The following MRPL42 variants were observed in gnomAD, a reference collection of about 807,000 sequenced individuals.
MRPL42 encodes the protein large ribosomal subunit protein mL42.
In MRPL42, 17 loss-of-function variants were observed where a neutral mutation model predicts 17.9. The ratio of observed to expected loss-of-function variants is 0.95; its 90% CI spans 0.65 to 1.42. The LOEUF is 1.42. Ranked by LOEUF, MRPL42 falls within the 40% of genes most tolerant of loss-of-function variation. The pLI, the probability that MRPL42 is intolerant of heterozygous loss-of-function variation, is 0.00. For synonymous variants in MRPL42, 59 were observed against 54.4 expected, an observed-to-expected ratio of 1.08 and a Z score of -0.37; for missense variants, 177 against 175.2, an observed-to-expected ratio of 1.01 and a Z score of -0.06.
chr12:93,481,679 C>G (rs1880471082), intron 4 of MRPL42, among the ~76,000 whole-genome samples: 1 of 152,160 alleles, frequency 6.6e-6, no homozygotes, highest in Non-Finnish European at 1.5e-5. Flanking sequence ...CAGCTACCCA[C>G]TTCCATGGGA....
intron 5 of MRPL42, among the ~76,000 whole-genome samples, chr12:93,491,547 A>G (rs1202247477): frequency 6.6e-6 from 1 of 152,178 alleles, no homozygotes; most frequent in Non-Finnish European, 1.5e-5. Context: ...GCCTTTCACT[A>G]TGTATATATG....
At position 93,510,997 on chromosome 12, in the gene MRPL42, G is replaced by C. The variant is rs1289299544; in HGVS notation, c.*9776G>C. On this transcript the variant is annotated 3_prime_UTR_variant, in exon 6 of 6. Coordinates refer to ENST00000549982, the MANE Select transcript of MRPL42 (RefSeq NM_014050.4). ...TATGGATGGCAAAATAACTTCACTG[G>C]CTTTTTTTATCAAGAAAAGACTTAC... is the stretch of plus-strand genomic sequence containing the variant. 6 of 152,052 alleles carry C rather than the reference G, an allele frequency of 3.9e-5. No homozygotes were observed. The South Asian group carries it at 8.3e-4, about 21-fold the overall frequency. 9.4% of individuals were successfully genotyped at this position (152,052 alleles called of 1,614,324 possible). A position where few individuals can be genotyped will look rare whatever the true frequency, so the allele number is the denominator to read the frequency against.
chr12:93,481,083 T>C (rs1488249899), intron 4 of MRPL42, among the ~76,000 whole-genome samples: 1 of 152,204 alleles, frequency 6.6e-6, no homozygotes, highest in African/African-American at 2.4e-5. Flanking sequence ...GTTTTAGCAA[T>C]TATACTAAGA....
Position 93,503,942 on chromosome 12 carries a change from T to C in MRPL42, c.*2721T>C, listed in dbSNP as rs892679986. 3.9e-5 allele frequency: 6 copies of C among 152,074 alleles called. No homozygotes were observed. The highest frequency in any genetic ancestry group is 7.3e-5 in the Non-Finnish European group (5 of 68,032). 9.4% of individuals were successfully genotyped at this position (152,074 alleles called of 1,614,324 possible). A position where few individuals can be genotyped will look rare whatever the true frequency, so the allele number is the denominator to read the frequency against. ...TTCCATCTTGTGAATAATGCTGTTA[T>C]TAACATCCTGGTGGATTATTACCAT... On this transcript the variant is annotated 3_prime_UTR_variant, in exon 6 of 6. Transcript: ENST00000549982.
chr12:93,492,833 C>T (rs1292611193), intron 5 of MRPL42, among the ~76,000 whole-genome samples: 2 of 151,418 alleles, frequency 1.3e-5, no homozygotes, highest in East Asian at 3.9e-4. Flanking sequence ...GCACTACAAT[C>T]ACTAGCCAAA....
intron 1 of MRPL42, among the ~76,000 whole-genome samples, chr12:93,467,857 A>C (rs897173562): frequency 8.5e-5 from 13 of 152,248 alleles, no homozygotes; most frequent in Admixed American, 7.8e-4. Flanking sequence ...TCTGACCCTC[A>C]GAGGCTCTGT....
chr12:93,499,907 C>T (rs938068031), intron 5 of MRPL42, among the ~76,000 whole-genome samples: 7 of 152,130 alleles, frequency 4.6e-5, no homozygotes, highest in African/African-American at 1.7e-4. Context: ...TGAATTTCCA[C>T]ATTAGCAAAA....
At chr12:93,494,574 G>A (rs1482284034) in intron 5 of MRPL42, among the ~76,000 whole-genome samples, 1 of 152,180 alleles carries the variant, frequency 6.6e-6, no homozygotes. Flanking sequence ...CAGAAGCACA[G>A]TTAGACACAT....
chr12:93,492,207 A>G (rs1365851668), intron 5 of MRPL42, among the ~76,000 whole-genome samples: 1 of 152,254 alleles, frequency 6.6e-6, no homozygotes, highest in Non-Finnish European at 1.5e-5. Context: ...TGCTTTCCAC[A>G]GTGGCTGAAC....
rs1285425153 is a variant in MRPL42, at chr12:93,511,653, A to G, written c.*10432A>G. The G allele has an allele frequency of 2.0e-5, 3 of 152,214 alleles. No homozygotes were observed. Among genetic ancestry groups the G allele is most frequent in the Non-Finnish European group, 2.9e-5 (2 of 68,030 alleles). The allele number at this position is 152,214 out of a possible 1,614,324, so 9.4% of individuals were successfully genotyped here. On this transcript the variant is annotated 3_prime_UTR_variant, in exon 6 of 6. Transcript: ENST00000549982. ...ATATATAGATATTACTAATATGGCA[A>G]TTAGTTTATATGCTATTTGAATATG...
chr12:93,477,241 A>G (rs1008761536), intron 3 of MRPL42, among the ~76,000 whole-genome samples: 1 of 152,252 alleles, frequency 6.6e-6, no homozygotes, highest in Non-Finnish European at 1.5e-5. Context: ...TTAATTTGTT[A>G]TAAGACAGAC....
intron 2 of MRPL42, among the ~76,000 whole-genome samples, chr12:93,476,706 A>C (rs1353139212): frequency 1.3e-5 from 2 of 152,160 alleles, no homozygotes; most frequent in African/African-American, 4.8e-5. Context: ...CATCTTTGCC[A>C]ATGTTTACCA....
rs1359984618 is a variant in MRPL42, at chr12:93,510,764, AT to A, written c.*9549del. 1.3e-5 allele frequency: 2 copies of A among 151,984 alleles called. No homozygotes were observed. Among genetic ancestry groups the A allele is most frequent in the Non-Finnish European group, 2.9e-5 (2 of 68,002 alleles). 9.4% of individuals were successfully genotyped at this position (151,984 alleles called of 1,614,324 possible). A position where few individuals can be genotyped will look rare whatever the true frequency, so the allele number is the denominator to read the frequency against. The stretch of plus-strand genomic sequence containing the variant: ...GATATGGAACATCTATTTACTCATT[AT>A]TTTTTCTTCTTATGATTGAAGTTAT... On this transcript the variant is annotated 3_prime_UTR_variant, in exon 6 of 6. Coordinates refer to ENST00000549982, the MANE Select transcript of MRPL42 (RefSeq NM_014050.4).
intron 4 of MRPL42, among the ~76,000 whole-genome samples, chr12:93,486,297 G>A (rs1473464328): frequency 2.6e-5 from 4 of 152,178 alleles, no homozygotes; most frequent in Admixed American, 1.3e-4. Flanking sequence ...CACCTGAAAT[G>A]AAAATGTTGA....
chr12:93,492,330 G>T (rs1490684227), intron 5 of MRPL42, among the ~76,000 whole-genome samples: 1 of 152,002 alleles, frequency 6.6e-6, no homozygotes, highest in Non-Finnish European at 1.5e-5. Context: ...GTATCAGCTG[G>T]TATCACACTG....
chr12:93,477,639 C>T (rs980330389), intron 3 of MRPL42, among the ~76,000 whole-genome samples: 6 of 152,028 alleles, frequency 3.9e-5, no homozygotes, highest in Non-Finnish European at 8.8e-5. Context: ...TTCTCTCGCT[C>T]AGGCTGGAGA....
At position 93,504,313 on chromosome 12, in the gene MRPL42, G is replaced by A; in HGVS notation, c.*3092G>A. ...TGCACCACCATACTCAGGTAATTTT[G>A]CATTTTTAGTAGAGACAGGGTTTCA... On this transcript the variant is annotated 3_prime_UTR_variant, in exon 6 of 6. Coordinates refer to ENST00000549982, the MANE Select transcript of MRPL42 (RefSeq NM_014050.4). The A allele has an allele frequency of 6.5e-6, 1 of 152,842 alleles. No individual in the cohort carries two copies. The highest frequency in any genetic ancestry group is 1.1e-3 in the Middle Eastern group (1 of 872). 9.5% of individuals were successfully genotyped at this position (152,842 alleles called of 1,614,324 possible).
In MRPL42 at chr12:93,502,848, C is replaced by T. The variant is rs917972700; in HGVS notation, c.*1627C>T. ...AATAAGGATTTACCCAAGATGCCCA[C>T]ATCCACATACTTATGTGTCAGTGCT... On this transcript the variant is annotated 3_prime_UTR_variant, in exon 6 of 6. Coordinates refer to ENST00000549982, the MANE Select transcript of MRPL42 (RefSeq NM_014050.4). 72 of 152,228 alleles carry T rather than the reference C, an allele frequency of 4.7e-4. No individual in the cohort carries two copies. The highest frequency in any genetic ancestry group is 1.7e-3 in the African/African-American group (70 of 41,446). The allele number at this position is 152,228 out of a possible 1,614,324, so 9.4% of individuals were successfully genotyped here. A position where few individuals can be genotyped will look rare whatever the true frequency, so the allele number is the denominator to read the frequency against.
chr12:93,474,174 T>C (rs1880048792), intron 2 of MRPL42, among the ~76,000 whole-genome samples: 1 of 152,248 alleles, frequency 6.6e-6, no homozygotes, highest in African/African-American at 2.4e-5. Flanking sequence ...CTTGTCTGCA[T>C]ATTTCAGAAC....
Sources: allele counts gnomAD v4.1 joint callset (sites outside exome capture counted in the v4.1 genomes callset), GRCh38; gene constraint gnomAD v4.1.1; transcripts MANE v1.5; gene names NCBI Gene and HGNC (gene_info 2026-07-23, HGNC 2026-07-21).